IL23R: variants seen among roughly 807,000 people sequenced by gnomAD.
IL23R encodes interleukin 23 receptor.
IL23R carries 34 observed loss-of-function variants against 56.9 expected under a neutral mutation model. The ratio of observed to expected loss-of-function variants is 0.60; its 90% confidence interval spans 0.45 to 0.80. The LOEUF is 0.80. Among genes scored for constraint, IL23R ranks in the 30% least tolerant of loss-of-function variants. IL23R has a pLI of 0.00. For synonymous variants in IL23R, 230 were observed against 249.2 expected (o/e 0.92, Z 0.73); for missense variants, 635 against 730.0 (o/e 0.87, Z 1.50).
chr1:67,233,072 G>C (rs987142758), intron 7 of IL23R, among the ~76,000 whole-genome samples: 1 of 151,642 alleles, frequency 6.6e-6, no homozygotes, highest in Non-Finnish European at 1.5e-5. Context: ...GTTTTGTCCA[G>C]GTGCGGTGCC....
intron 6 of IL23R, among the ~76,000 whole-genome samples, chr1:67,212,590 G>C (rs997652119): frequency 6.7e-6 from 1 of 149,438 alleles, no homozygotes; most frequent in Non-Finnish European, 1.5e-5. Flanking sequence ...CTACTGCCCA[G>C]GCTGGAGCGC....
intron 5 of IL23R, among the ~76,000 whole-genome samples, chr1:67,203,459 C>T (rs555440173): frequency 6.6e-6 from 1 of 151,984 alleles, no homozygotes; most frequent in East Asian, 1.9e-4. Context: ...GGTTCCTTTT[C>T]CTTCTTCTCC....
intron 3 of IL23R, among the ~76,000 whole-genome samples, chr1:67,178,307 G>A (rs1323762621): frequency 1.3e-5 from 2 of 152,144 alleles, no homozygotes; most frequent in Non-Finnish European, 2.9e-5. Flanking sequence ...ACAGTGGTTT[G>A]TAGTTCTCTT....
In IL23R at chr1:67,246,988, G is replaced by A. The variant is rs539897060; in HGVS notation, c.1148+6707G>A. Among the ~76,000 whole-genome samples the A allele has an allele frequency of 5.9e-5, 9 of 152,248 alleles. No homozygotes were observed. The South Asian group carries it at 1.9e-3, about 32-fold the overall frequency. On this transcript the variant is annotated intron_variant, in intron 9 of 10. Coordinates refer to ENST00000347310, the MANE Select transcript of IL23R (RefSeq NM_144701.3). ...CTCTAAGAACTGACTTTATAAATCTGGATGCTTCTGTATTGGGTGCATATA... is the reference window on the plus strand; with the variant it reads ...CTCTAAGAACTGACTTTATAAATCTAGATGCTTCTGTATTGGGTGCATATA...
chr1:67,259,245 T>G lies in IL23R; in HGVS notation c.*117T>G. On this transcript the variant is annotated 3_prime_UTR_variant, in exon 11 of 11. Transcript: ENST00000347310. Reference sequence around the variant, plus strand: ...AAAAAAATGTATTCACATACAAATCTTCACATGGACACATGTTTTCATTTC... The same window carrying G: ...AAAAAAATGTATTCACATACAAATCGTCACATGGACACATGTTTTCATTTC... The G allele has an allele frequency of 1.0e-6, 1 of 973,566 alleles. No individual in the cohort carries two copies. 60.3% of individuals were successfully genotyped at this position (973,566 alleles called of 1,614,324 possible).
intron 4 of IL23R, among the ~76,000 whole-genome samples, chr1:67,200,418 G>A (rs1648536183): frequency 6.8e-6 from 1 of 147,164 alleles, no homozygotes; most frequent in South Asian, 2.1e-4. Flanking sequence ...TTTTGAGACA[G>A]AGTCTCACTC....
intron 7 of IL23R, among the ~76,000 whole-genome samples, chr1:67,222,374 C>T (rs1407607100): frequency 6.6e-6 from 1 of 152,098 alleles, no homozygotes; most frequent in East Asian, 1.9e-4. Flanking sequence ...GCTTTGGCCT[C>T]CCAAAGTGCT....
intron 4 of IL23R, among the ~76,000 whole-genome samples, chr1:67,196,590 G>T (rs1648173540): frequency 6.6e-6 from 1 of 152,070 alleles, no homozygotes. Context: ...TTCCAGCATT[G>T]TTCAGATTTC....
At chr1:67,265,050 T>C in the IL23R span, among the ~76,000 whole-genome samples, 1 of 152,150 alleles carries the variant, frequency 6.6e-6, no homozygotes, top group African/African-American at 2.4e-5. Context: ...CATAAAGGCA[T>C]ACCTAAAATT....
At chr1:67,152,363 C>T (rs1012950015) in intron 1 of IL23R, among the ~76,000 whole-genome samples, 4 of 152,168 alleles carry the variant, frequency 2.6e-5, no homozygotes, top group African/African-American at 4.8e-5. Flanking sequence ...TGGGCAGAGA[C>T]GATGGGGTTT....
Position 67,219,678 on chromosome 1 carries a change from A to C in IL23R, c.903A>C (p.Lys301Asn). 1 of 1,614,128 alleles carries C rather than the reference A, an allele frequency of 6.2e-7. No homozygotes were observed. Among genetic ancestry groups the C allele is most frequent in the Non-Finnish European group, 8.5e-7 (1 of 1,179,968 alleles). The change falls in exon 7 of 11, where the codon AAA becomes AAC. Residue 301 changes from lysine (K) to asparagine (N), a missense_variant. Physicochemically the swap from Lys to Asn is moderately conservative, Grantham distance 94. Coordinates refer to ENST00000347310, the MANE Select transcript of IL23R (RefSeq NM_144701.3). Reference sequence around the variant, plus strand: ...AAGTGAGATGTCAAGAAACAGGCAAAAGGTACTGGCAGCCTTGGAGTTCAC... The same window carrying C: ...AAGTGAGATGTCAAGAAACAGGCAACAGGTACTGGCAGCCTTGGAGTTCAC... ...VFQVRCQETG[K>N]RYWQPWSSLF... is the part of the protein sequence containing the mutation.
intron 4 of IL23R, among the ~76,000 whole-genome samples, chr1:67,184,872 C>T (rs1465675081): frequency 6.6e-6 from 1 of 152,026 alleles, no homozygotes; most frequent in Admixed American, 6.5e-5. Context: ...AGAGTTGGGG[C>T]CTTTGAAGTG....
At chr1:67,237,996 C>A (rs1022681824) in intron 8 of IL23R, among the ~76,000 whole-genome samples, 3 of 151,970 alleles carry the variant, frequency 2.0e-5, no homozygotes, top group Non-Finnish European at 2.9e-5. Context: ...CCAGACAGGG[C>A]AGAAAAACAG....
chr1:67,208,417 C>T (rs1649230958), intron 6 of IL23R, among the ~76,000 whole-genome samples: 1 of 152,110 alleles, frequency 6.6e-6, no homozygotes, highest in Non-Finnish European at 1.5e-5. Flanking sequence ...CTTGGAGGCC[C>T]AGGAGAAAAA....
intron 6 of IL23R, among the ~76,000 whole-genome samples, chr1:67,213,553 G>T (rs1343638281): frequency 8.5e-5 from 13 of 152,160 alleles, no homozygotes; most frequent in Non-Finnish European, 5.9e-5. Flanking sequence ...CATATATGAT[G>T]GTGGTCCCAT....
At chr1:67,262,227 G>A (rs922973038), downstream of IL23R, among the ~76,000 whole-genome samples, 8 of 152,182 alleles carry the variant, frequency 5.3e-5, no homozygotes, top group African/African-American at 1.7e-4. Flanking sequence ...AATCCCTGCA[G>A]GCTTGGGGCT....
chr1:67,149,870 T>A (rs530375651), intron 1 of IL23R, among the ~76,000 whole-genome samples: 9 of 152,322 alleles, frequency 5.9e-5, no homozygotes, highest in African/African-American at 2.2e-4. Context: ...CAAGATTCCA[T>A]AGTTTCATGG....
chr1:67,156,861 T>A (rs970462528), intron 1 of IL23R, among the ~76,000 whole-genome samples: 3 of 152,158 alleles, frequency 2.0e-5, no homozygotes, highest in Admixed American at 2.0e-4. Context: ...TGCTGGAGTA[T>A]GAACAAACTC....
intron 4 of IL23R, among the ~76,000 whole-genome samples, chr1:67,197,232 T>C (rs1052208772): frequency 6.6e-6 from 1 of 152,068 alleles, no homozygotes; most frequent in African/African-American, 2.4e-5. Flanking sequence ...GAAGTGAGAA[T>C]TATAACCAAT....
Sources: allele counts gnomAD v4.1 joint callset (sites outside exome capture counted in the v4.1 genomes callset), GRCh38; gene constraint gnomAD v4.1.1; transcripts MANE v1.5; gene names NCBI Gene and HGNC (gene_info 2026-07-23, HGNC 2026-07-21).